The following HACD2 variants were observed in gnomAD, a reference collection of about 807,000 sequenced individuals.
HACD2 encodes the protein very-long-chain (3R)-3-hydroxyacyl-CoA dehydratase 2.
Under a neutral mutation model 31.0 loss-of-function variants are expected in HACD2, and 15 were observed. That is an observed-to-expected ratio of 0.48 (90% CI 0.32 to 0.75). The LOEUF (loss-of-function observed/expected upper bound fraction) is 0.75. Ranked by LOEUF, HACD2 falls within the 30% of genes least tolerant of loss-of-function variation. The probability of loss-of-function intolerance (pLI) is 0.03; values close to 1 mark genes in which losing one functional copy is unlikely to be tolerated. For synonymous variants in HACD2, 115 were observed against 122.2 expected, an observed-to-expected ratio of 0.94 and a Z score of 0.39; for missense variants, 283 against 313.0, an observed-to-expected ratio of 0.90 and a Z score of 0.72.
At chr3:123,569,999 A>C in intron 2 of HACD2, among the ~76,000 whole-genome samples, 1 of 51,808 alleles carries the variant, frequency 1.9e-5, no homozygotes. Context: ...AAAAAAAAAA[A>C]AAAAAAAAAA....
chr3:123,538,807 C>G (rs975379465), intron 3 of HACD2, among the ~76,000 whole-genome samples: 1 of 152,200 alleles, frequency 6.6e-6, no homozygotes, highest in Admixed American at 6.5e-5. Context: ...TGTGATGTTA[C>G]TGTTCTTTAT....
chr3:123,507,486 T>C (rs1315755498), intron 4 of HACD2, among the ~76,000 whole-genome samples: 3 of 152,184 alleles, frequency 2.0e-5, no homozygotes, highest in Admixed American at 1.3e-4. Context: ...CAAAACATCA[T>C]GTTGAATGAA....
intron 3 of HACD2, among the ~76,000 whole-genome samples, chr3:123,564,072 A>G (rs535991091): frequency 4.0e-5 from 6 of 151,812 alleles, no homozygotes; most frequent in Non-Finnish European, 7.4e-5. Context: ...AGAGAGGAGC[A>G]TACACTATCG....
intron 1 of HACD2, among the ~76,000 whole-genome samples, 164 bp from the exon 2 acceptor site, chr3:123,582,493 T>C (rs913947017): frequency 2.6e-5 from 4 of 152,202 alleles, no homozygotes; most frequent in Admixed American, 1.3e-4. Flanking sequence ...TGTAATGCAC[T>C]GAAATGTTGC....
At chr3:123,572,260 C>T (rs12636306) in intron 2 of HACD2, among the ~76,000 whole-genome samples, 17,842 of 152,212 alleles carry the variant, frequency 0.12, 2,402 homozygotes, top group East Asian at 0.34. Flanking sequence ...AATCTTAACA[C>T]TTTGGGAGGC....
At chr3:123,529,823 ATTAG>A (rs1296386475) in intron 3 of HACD2, among the ~76,000 whole-genome samples, 10 of 152,214 alleles carry the variant, frequency 6.6e-5, no homozygotes, top group Non-Finnish European at 1.3e-4. Context: ...AACAGAGCTA[ATTAG>A]TAAGTCAAAC....
chr3:123,568,983 T>C (rs899734250), intron 2 of HACD2, among the ~76,000 whole-genome samples: 3 of 152,074 alleles, frequency 2.0e-5, no homozygotes, highest in African/African-American at 7.2e-5. Context: ...GCATTAGTTA[T>C]GAGAGATCTA....
chr3:123,584,839 G>T, intron 1 of HACD2, 34 bp downstream of exon 1: 1 of 1,451,996 alleles, frequency 6.9e-7, no homozygotes, highest in Non-Finnish European at 9.1e-7. Context: ...CCCCGGCCGC[G>T]CTGGCTCCCC....
chr3:123,566,132 T>C (rs548730857), intron 3 of HACD2, among the ~76,000 whole-genome samples: 41 of 151,092 alleles, frequency 2.7e-4, no homozygotes, highest in African/African-American at 8.7e-4. Flanking sequence ...GAGAATCTAA[T>C]TGAAGCTATG....
chr3:123,573,075 C>A (rs990698033), intron 2 of HACD2, among the ~76,000 whole-genome samples: 1 of 152,152 alleles, frequency 6.6e-6, no homozygotes, highest in Non-Finnish European at 1.5e-5. Flanking sequence ...CAGACATGTC[C>A]ACGACACTTG....
At chr3:123,569,320 T>G (rs1439206671) in intron 2 of HACD2, among the ~76,000 whole-genome samples, 1 of 152,116 alleles carries the variant, frequency 6.6e-6, no homozygotes, top group Non-Finnish European at 1.5e-5. Flanking sequence ...ATGAAAAACA[T>G]TATTTGAAAC....
At chr3:123,569,930 A>G (rs2056834503) in intron 2 of HACD2, among the ~76,000 whole-genome samples, 1 of 140,202 alleles carries the variant, frequency 7.1e-6, no homozygotes, top group South Asian at 2.4e-4. Context: ...CAGAGGTTGC[A>G]GTGAGCCGAG....
chr3:123,502,511 C>T, intron 5 of HACD2, 49 bp downstream of exon 5: 2 of 1,588,118 alleles, frequency 1.3e-6, no homozygotes, highest in Non-Finnish European at 1.7e-6. Flanking sequence ...AGGGCAAATT[C>T]AATGACAGAT....
At chr3:123,511,595 G>C (rs1199080835) in intron 4 of HACD2, among the ~76,000 whole-genome samples, 1 of 152,184 alleles carries the variant, frequency 6.6e-6, no homozygotes, top group Non-Finnish European at 1.5e-5. Context: ...AAGAAAGACT[G>C]AGTAAAGCAT....
chr3:123,563,405 A>G (rs1462730116), intron 3 of HACD2, among the ~76,000 whole-genome samples: 1 of 152,184 alleles, frequency 6.6e-6, no homozygotes, highest in African/African-American at 2.4e-5. Flanking sequence ...TAGGCACTGG[A>G]AAGACTGGAG....
chr3:123,529,345 G>T (rs2056324045), intron 3 of HACD2, among the ~76,000 whole-genome samples: 2 of 152,254 alleles, frequency 1.3e-5, no homozygotes, highest in South Asian at 2.1e-4. Flanking sequence ...CAGCTGATCC[G>T]CCTGCCTCGG....
intron 6 of HACD2, chr3:123,499,651 G>C: frequency 4.4e-6 from 2 of 456,028 alleles, no homozygotes; most frequent in South Asian, 1.5e-5. Flanking sequence ...CTGGGGTTTA[G>C]GGAAGAATAC....
At chr3:123,564,662 G>C (rs546348776) in intron 3 of HACD2, among the ~76,000 whole-genome samples, 1 of 152,282 alleles carries the variant, frequency 6.6e-6, no homozygotes, top group East Asian at 1.9e-4. Context: ...GAAGTAGAAA[G>C]AGCCTACCAT....
At chr3:123,516,328 G>A (rs1014750995) in intron 4 of HACD2, among the ~76,000 whole-genome samples, 3 of 150,632 alleles carry the variant, frequency 2.0e-5, no homozygotes, top group African/African-American at 7.4e-5. Flanking sequence ...TCCGCCTCCC[G>A]GGTTCACGCC....
Sources: allele counts gnomAD v4.1 joint callset (sites outside exome capture counted in the v4.1 genomes callset), GRCh38; gene constraint gnomAD v4.1.1; transcripts MANE v1.5; gene names NCBI Gene and HGNC (gene_info 2026-07-23, HGNC 2026-07-21).